Variants in PHACTR2 observed in about 807,000 individuals in gnomAD.
PHACTR2 encodes the protein chromosome 6 open reading frame 56.
A neutral mutation model predicts 76.0 loss-of-function variants in PHACTR2; 30 were observed. That is an observed-to-expected ratio of 0.39 (90% CI 0.30 to 0.54). The LOEUF is 0.54. PHACTR2 is among the 20% of genes least tolerant of loss of function. The pLI is 0.61. For synonymous variants in PHACTR2, 292 were observed against 292.5 expected (o/e 1.00, Z 0.02); for missense variants, 696 against 781.1 (o/e 0.89, Z 1.30).
chr6:143,550,328 T>C lies in PHACTR2; in HGVS notation c.217+13121T>C, dbSNP rs1775079311. 6.6e-6 allele frequency among the ~76,000 whole-genome samples: 1 copy of C among 151,992 alleles called. No individual in the cohort carries two copies. Among genetic ancestry groups the C allele is most frequent in the African/African-American group, 2.4e-5 (1 of 41,404 alleles). ...CCACACTTCAAGGGAAGCAAGTCTG[T>C]ATGGAGAGCTTTTAATGGGCCTGTC... On this transcript the variant is annotated intron_variant, in intron 1 of 11. Coordinates refer to the PHACTR2 transcript ENST00000367584. The surrounding 1 kb of genome is among the most constrained non-coding windows in gnomAD (Gnocchi z 4.8).
At position 143,823,690 on chromosome 6, in the gene PHACTR2, C is replaced by A; in HGVS notation, c.*1C>A. Reference sequence around the variant, plus strand: ...TTACTCCAGGTTTCATCGTCCATAACGAAGAGTGAGACTATTTGGAAACAG... The same window carrying A: ...TTACTCCAGGTTTCATCGTCCATAAAGAAGAGTGAGACTATTTGGAAACAG... On this transcript the variant is annotated 3_prime_UTR_variant, in exon 13 of 13. Transcript: ENST00000440869. The surrounding 1 kb of genome is among the most constrained non-coding windows in gnomAD (Gnocchi z 5.7). 1.2e-6 allele frequency: 2 copies of A among 1,610,936 alleles called. No homozygotes were observed. Among genetic ancestry groups the A allele is most frequent in the Non-Finnish European group, 8.5e-7 (1 of 1,177,194 alleles).
Position 143,659,427 on chromosome 6 carries a change from T to G in PHACTR2, c.13+51105T>G. On this transcript the variant is annotated intron_variant, in intron 1 of 11. Transcript: ENST00000305766. This position sits in a 1 kb window ranked among gnomAD's most constrained non-coding sequence, Gnocchi z 5.0. ...AGGTGTCAGTAGGGATGTCGTCTCATCCAAGGCTTGACTGAGGAAGGATAC... is the reference window on the plus strand; with the variant it reads ...AGGTGTCAGTAGGGATGTCGTCTCAGCCAAGGCTTGACTGAGGAAGGATAC... 6.6e-6 allele frequency among the ~76,000 whole-genome samples: 1 copy of G among 152,200 alleles called. No homozygotes were observed. The highest frequency in any genetic ancestry group is 1.9e-4 in the East Asian group (1 of 5,196).
At position 143,578,039 on chromosome 6, in the gene PHACTR2, G is replaced by A. The variant is rs1775533085; in HGVS notation, c.217+40832G>A. ...ATCCCCCGTTCGTTTGCCAACACCT[G>A]TGAGAATTCCACAGTCAACTTGCTT... On this transcript the variant is annotated intron_variant, in intron 1 of 11. Coordinates refer to the PHACTR2 transcript ENST00000367584. This position sits in a 1 kb window ranked among gnomAD's most constrained non-coding sequence, Gnocchi z 4.5. Among the ~76,000 whole-genome samples, 2 of 152,196 alleles carry A rather than the reference G, an allele frequency of 1.3e-5. No homozygotes were observed. Among genetic ancestry groups the A allele is most frequent in the African/African-American group, 4.8e-5 (2 of 41,452 alleles).
rs535295854 is a variant in PHACTR2, at chr6:143,726,600, C to A, written c.214+14417C>A. 3.3e-5 allele frequency among the ~76,000 whole-genome samples: 5 copies of A among 152,220 alleles called. No homozygotes were observed. In the South Asian group the frequency reaches 6.2e-4, roughly 19 times the overall value. ...ATGCTGTAGCATGTGACAAGATTTC[C>A]TTTTTTCAAAGACTGTGTAGTATAC... On this transcript the variant is annotated intron_variant, in intron 2 of 12. Coordinates refer to ENST00000440869, the MANE Select transcript of PHACTR2 (RefSeq NM_001100164.2).
Position 143,558,618 on chromosome 6 carries a change from C to T in PHACTR2, c.217+21411C>T, listed in dbSNP as rs1775215602. 6.6e-6 allele frequency among the ~76,000 whole-genome samples: 1 copy of T among 152,144 alleles called. No homozygotes were observed. The highest frequency in any genetic ancestry group is 2.4e-5 in the African/African-American group (1 of 41,420). On this transcript the variant is annotated intron_variant, in intron 1 of 11. Coordinates refer to the PHACTR2 transcript ENST00000367584. This position sits in a 1 kb window ranked among gnomAD's most constrained non-coding sequence, Gnocchi z 4.7. ...TTATTCCTGTCTCCTTTGTCATTTTCTTTAGTAATATTCTGGGTAGAGAAA... is the reference window on the plus strand; with the variant it reads ...TTATTCCTGTCTCCTTTGTCATTTTTTTTAGTAATATTCTGGGTAGAGAAA...
rs1228237872 is a variant in PHACTR2 at position 143,553,441 on chromosome 6, T to C, written c.217+16234T>C. On this transcript the variant is annotated intron_variant, in intron 1 of 11. Coordinates refer to the PHACTR2 transcript ENST00000367584. This position sits in a 1 kb window ranked among gnomAD's most constrained non-coding sequence, Gnocchi z 4.2. ...AACCAGGAAGAGGGGAGTTGGTGCA[T>C]GTAAACCCAGCTGGGTTTGTTAACT... 2.0e-5 allele frequency among the ~76,000 whole-genome samples: 3 copies of C among 152,162 alleles called. No homozygotes were observed.
At chr6:143,732,870 A>T (rs1450408952) in intron 2 of PHACTR2, among the ~76,000 whole-genome samples, 1 of 151,600 alleles carries the variant, frequency 6.6e-6, no homozygotes, top group African/African-American at 2.4e-5. Context: ...ACTTTTGATT[A>T]CTCCTTGTCT....
chr6:143,691,407 G>A (rs1012434661), intron 1 of PHACTR2, among the ~76,000 whole-genome samples: 5 of 152,050 alleles, frequency 3.3e-5, no homozygotes, highest in Admixed American at 3.3e-4. Context: ...GGGATGAATT[G>A]GGTCATTCAT....
intron 2 of PHACTR2, among the ~76,000 whole-genome samples, chr6:143,726,879 T>C (rs1434836146): frequency 1.3e-5 from 2 of 152,200 alleles, no homozygotes; most frequent in African/African-American, 4.8e-5. Context: ...ATTCATATAC[T>C]GGGTCATGAT....
At chr6:143,752,609 A>G (rs1779210097) in intron 3 of PHACTR2, among the ~76,000 whole-genome samples, 1 of 152,212 alleles carries the variant, frequency 6.6e-6, no homozygotes, top group Non-Finnish European at 1.5e-5. Flanking sequence ...TAAAAATGAC[A>G]TAATTTCATG....
chr6:143,575,565 G>T (rs1265818879), intron 1 of PHACTR2, among the ~76,000 whole-genome samples: 1 of 152,182 alleles, frequency 6.6e-6, no homozygotes, highest in Admixed American at 6.5e-5. Flanking sequence ...ATACTGATCA[G>T]CCAATGTAAT....
chr6:143,799,485 C>T (rs1156616809), intron 11 of PHACTR2, among the ~76,000 whole-genome samples: 1 of 152,112 alleles, frequency 6.6e-6, no homozygotes, highest in Non-Finnish European at 1.5e-5. Flanking sequence ...GTTAGGGTGT[C>T]GATTTTAGAT....
At chr6:143,565,462 C>CA (rs1393343558) in intron 1 of PHACTR2, among the ~76,000 whole-genome samples, 2 of 151,930 alleles carry the variant, frequency 1.3e-5, no homozygotes, top group Non-Finnish European at 2.9e-5. Context: ...ACTAAAAATA[C>CA]AAAAAATTAG....
chr6:143,675,280 G>A (rs573712818), upstream of PHACTR2, among the ~76,000 whole-genome samples: 3 of 152,300 alleles, frequency 2.0e-5, no homozygotes, highest in East Asian at 5.8e-4. The surrounding 1 kb of genome is among the most constrained non-coding windows in gnomAD (Gnocchi z 4.9). Context: ...GATGCCATTA[G>A]TCTATATTTT....
chr6:143,719,842 T>C (rs1778399715), intron 2 of PHACTR2, among the ~76,000 whole-genome samples: 1 of 107,772 alleles, frequency 9.3e-6, no homozygotes, highest in Admixed American at 1.1e-4. Flanking sequence ...TGAGACAGAG[T>C]CTCACTCTCG....
chr6:143,746,119 C>G (rs1416624357), intron 2 of PHACTR2, among the ~76,000 whole-genome samples: 1 of 152,124 alleles, frequency 6.6e-6, no homozygotes, highest in Non-Finnish European at 1.5e-5. Flanking sequence ...TAAAAGGTGC[C>G]CGAGCAGAGA....
chr6:143,717,310 C>T (rs970339216), intron 2 of PHACTR2, among the ~76,000 whole-genome samples: 1 of 152,122 alleles, frequency 6.6e-6, no homozygotes, highest in Non-Finnish European at 1.5e-5. Flanking sequence ...GATTCAGCAC[C>T]AGCTGATCCT....
At chr6:143,799,684 A>G (rs1339309282) in intron 11 of PHACTR2, among the ~76,000 whole-genome samples, 1 of 152,190 alleles carries the variant, frequency 6.6e-6, no homozygotes, top group African/African-American at 2.4e-5. Flanking sequence ...GTTTCCACGT[A>G]GCTGTGCGGT....
intron 1 of PHACTR2, among the ~76,000 whole-genome samples, chr6:143,601,499 AT>A (rs1316020873): frequency 6.6e-6 from 1 of 152,184 alleles, no homozygotes; most frequent in African/African-American, 2.4e-5. Flanking sequence ...AAGAAATCTC[AT>A]TTAGATGTCA....
Sources: allele counts gnomAD v4.1 joint callset (sites outside exome capture counted in the v4.1 genomes callset), GRCh38; gene constraint gnomAD v4.1.1; non-coding constraint Gnocchi (gnomAD v3.1); transcripts MANE v1.5; gene names NCBI Gene and HGNC (gene_info 2026-07-23, HGNC 2026-07-21).